Variants in PPRC1 observed in about 807,000 individuals in gnomAD.
PPRC1 encodes peroxisome proliferator-activated receptor gamma coactivator-related protein 1.
A neutral mutation model predicts 132.5 loss-of-function variants in PPRC1; 23 were observed. The observed-to-expected ratio is 0.17, with a 90% CI of 0.12 to 0.25. PPRC1 has a LOEUF of 0.25. Among genes scored for constraint, PPRC1 ranks in the 10% least tolerant of loss-of-function variants. The pLI is 1.00. For synonymous variants in PPRC1, 872 were observed against 833.5 expected (o/e 1.05, Z -0.80); for missense variants, 2,006 against 2,089.1 (o/e 0.96, Z 0.78).
chr10:102,143,604 A>C (rs1046512219), intron 6 of PPRC1, among the ~76,000 whole-genome samples: 1 of 151,784 alleles, frequency 6.6e-6, no homozygotes, highest in African/African-American at 2.4e-5. Flanking sequence ...GTCTCAAAAA[A>C]AAAAAAAAAA....
Position 102,133,125 on chromosome 10 carries a change from C to G in PPRC1, c.57C>G (p.Pro19=), listed in dbSNP as rs1253960171. 1 of 1,248,410 alleles carries G rather than the reference C, an allele frequency of 8.0e-7. No individual in the cohort carries two copies. Among genetic ancestry groups the G allele is most frequent in the South Asian group, 4.1e-5 (1 of 24,616 alleles). The allele number at this position is 1,248,410 out of a possible 1,614,324, so 77.3% of individuals were successfully genotyped here. ...TCGCGCCGCCCCCGAGTGGGGGCCC[C>G]GGTCCGGACCCTGGCGGGGGAGCCC... ...DGVAPPPSGG[P]GPDPGGGARG... The change falls in exon 1 of 14, where the codon CCC becomes CCG. Residue 19 remains proline, a synonymous_variant. Transcript: ENST00000278070.
intron 7 of PPRC1, 125 bp downstream of exon 7, chr10:102,144,432 G>A: frequency 1.1e-6 from 1 of 893,812 alleles, no homozygotes; most frequent in Non-Finnish European, 1.7e-6. Flanking sequence ...GTCTTTCCCT[G>A]TTTCCCCACC....
intron 1 of PPRC1, among the ~76,000 whole-genome samples, chr10:102,133,708 A>G (rs1479464851): frequency 6.6e-6 from 1 of 150,540 alleles, no homozygotes; most frequent in Non-Finnish European, 1.5e-5. Context: ...GCGGGGAAGG[A>G]ACGTCCACGT....
In PPRC1 at chr10:102,143,061, C is replaced by T. The variant is rs1379504107; in HGVS notation, c.3513C>T (p.Asp1171=). 3 of 1,613,630 alleles carry T rather than the reference C, an allele frequency of 1.9e-6. No individual in the cohort carries two copies. In the South Asian group the frequency reaches 3.3e-5, roughly 18 times the overall value. ...CCTCCACAGGAATTGAGGCATCGGA[C>T]CTGTCCAGTCTGCTGGAGCAGTTTG... ...FISEIGIEAS[D]LSSLLEQFEK... is the part of the protein sequence containing the mutation. Residue 1171 remains aspartate, a synonymous_variant, in exon 6 of 14, where the codon GAC becomes GAT. Transcript: ENST00000278070.
In PPRC1 at chr10:102,141,182, C is replaced by G; in HGVS notation, c.2674C>G (p.Leu892Val). The G allele has an allele frequency of 6.2e-7, 1 of 1,614,012 alleles. No homozygotes were observed. The highest frequency in any genetic ancestry group is 8.5e-7 in the Non-Finnish European group (1 of 1,179,958). ...PAGGLGMPPSLPPPPLQPPSL... is the reference protein window; with the variant it reads ...PAGGLGMPPSVPPPPLQPPSL... ...AGGTGGGCTTGGCATGCCCCCCAGT[C>G]TGCCCCCACCTCCCTTGCAGCCTCC... The change falls in exon 5 of 14, where the codon CTG becomes GTG. Residue 892 changes from leucine to valine, a missense_variant. Leu to Val is a conservative substitution (Grantham distance 32, BLOSUM62 1). This residue lies in a region of PPRC1 where 1,914 missense variants were observed against 1,917.2 expected (regional missense o/e 1.00). Transcript: ENST00000278070.
At chr10:102,144,391 C>A in intron 7 of PPRC1, 84 bp downstream of exon 7, 1 of 1,328,056 alleles carries the variant, frequency 7.5e-7, no homozygotes, top group Non-Finnish European at 1.1e-6. Flanking sequence ...CTGGATGCCT[C>A]TGTTGCAGGG....
chr10:102,122,906 G>A, the PPRC1 span, among the ~76,000 whole-genome samples: 3 of 152,302 alleles, frequency 2.0e-5, no homozygotes, highest in East Asian at 5.8e-4. Context: ...TTGGAAGAAG[G>A]TGCTATTACC....
At chr10:102,125,944 C>A in the PPRC1 span, among the ~76,000 whole-genome samples, 1 of 151,296 alleles carries the variant, frequency 6.6e-6, no homozygotes, top group Non-Finnish European at 1.5e-5. Flanking sequence ...CTCACTGCAA[C>A]CTCCGCCTCC....
chr10:102,142,475 G>A (rs2069036575), intron 5 of PPRC1, among the ~76,000 whole-genome samples: 1 of 130,246 alleles, frequency 7.7e-6, no homozygotes, highest in Non-Finnish European at 1.6e-5. Flanking sequence ...CTGGAGTGCA[G>A]TGGCGTGATC....
chr10:102,132,919 C>T, upstream of PPRC1: 3 of 1,149,738 alleles, frequency 2.6e-6, no homozygotes, highest in Non-Finnish European at 3.3e-6. Flanking sequence ...AGGCCAGGGC[C>T]TTCTTCCAGG....
At chr10:102,126,266 C>T in the PPRC1 span, among the ~76,000 whole-genome samples, 1 of 151,594 alleles carries the variant, frequency 6.6e-6, no homozygotes, top group Non-Finnish European at 1.5e-5. Flanking sequence ...CACTTGAGCC[C>T]AAGAGTTTGA....
chr10:102,120,123 C>A, the PPRC1 span: 2 of 1,351,656 alleles, frequency 1.5e-6, no homozygotes, highest in South Asian at 3.6e-5. Flanking sequence ...TCACATCGCC[C>A]GCCTCTGGGG....
At position 102,141,784 on chromosome 10, in the gene PPRC1, TGAG is replaced by T. The variant is rs773871396; in HGVS notation, c.3280_3282del (p.Glu1094del). 23 of 1,613,740 alleles carry T rather than the reference TGAG, an allele frequency of 1.4e-5. No individual in the cohort carries two copies. Among genetic ancestry groups the T allele is most frequent in the African/African-American group, 2.7e-5 (2 of 74,910 alleles). ...GTGTGTCTGCTGAAGGTGTGACTGT[TGAG>T]GAGCCTGCATCAGAGAGGCTAAAGC... On this transcript the variant is annotated inframe_deletion, in exon 5 of 14. Coordinates refer to ENST00000278070, the MANE Select transcript of PPRC1 (RefSeq NM_015062.5).
At chr10:102,125,123 C>T in the PPRC1 span, among the ~76,000 whole-genome samples, 3 of 151,984 alleles carry the variant, frequency 2.0e-5, no homozygotes, top group East Asian at 1.9e-4. Context: ...GACAGAGTCT[C>T]GCTCTGTCAC....
Position 102,140,056 on chromosome 10 carries a change from G to C in PPRC1, c.1548G>C (p.Gln516His), listed in dbSNP as rs748716657. 6 of 1,614,240 alleles carry C rather than the reference G, an allele frequency of 3.7e-6. No homozygotes were observed. The highest frequency in any genetic ancestry group is 1.6e-4 in the Middle Eastern group (1 of 6,062). The stretch of plus-strand genomic sequence containing the variant: ...TTCAAAAAGAGTCTGGGCCTCTCCA[G>C]GGTAAGGGGAAGCCCCGGGCTTGGG... The part of the protein sequence containing the change: ...EELQKESGPL[Q>H]GKGKPRAWAR... Residue 516 changes from glutamine (Q) to histidine (H), a missense_variant, in exon 5 of 14, where the codon CAG (glutamine) becomes CAC (histidine). Transcript: ENST00000278070.
chr10:102,149,935 G>A lies in PPRC1; in HGVS notation c.4901G>A (p.Arg1634Gln), dbSNP rs771652387. The A allele has an allele frequency of 1.1e-5, 18 of 1,610,486 alleles. No homozygotes were observed. Among genetic ancestry groups the A allele is most frequent in the South Asian group, 6.6e-5 (6 of 90,986 alleles). The part of the protein sequence containing the change: ...KRSYSDLDSN[R>Q]EDFDPAPVKS... ...GTCTTTACCTTTATAGACTCCAACC[G>A]GGAAGACTTTGACCCAGCACCTGTA... The change falls in exon 14 of 14, where the codon CGG (arginine) becomes CAG (glutamine). Residue 1634 changes from arginine to glutamine, a missense_variant. Arg to Gln is a conservative substitution (Grantham distance 43). Coordinates refer to ENST00000278070, the MANE Select transcript of PPRC1 (RefSeq NM_015062.5).
In PPRC1 at chr10:102,137,939, G is replaced by A. The variant is rs1308404146; in HGVS notation, c.243G>A (p.Glu81=). The A allele has an allele frequency of 1.8e-5, 29 of 1,614,148 alleles. No individual in the cohort carries two copies. Among genetic ancestry groups the A allele is most frequent in the Non-Finnish European group, 2.5e-5 (29 of 1,180,026 alleles). Residue 81 remains glutamate, a synonymous_variant, in exon 2 of 14, where the codon GAG becomes GAA. Transcript: ENST00000278070. ...TGAGGGACAAGGACCTGGAAATGGA[G>A]GAGCTAATGCTGCAGGATGAGACAC... The part of the protein sequence containing the change: ...PSLRDKDLEM[E]ELMLQDETLL...
intron 1 of PPRC1, among the ~76,000 whole-genome samples, chr10:102,134,001 G>C (rs867920867): frequency 6.6e-6 from 1 of 152,200 alleles, no homozygotes; most frequent in Middle Eastern, 3.4e-3. Context: ...GGGGAGGGTA[G>C]AGGGCTGAGG....
At chr10:102,120,058 G>A in the PPRC1 span, 4 of 1,428,762 alleles carry the variant, frequency 2.8e-6, no homozygotes, top group Non-Finnish European at 3.7e-6. Flanking sequence ...GGGCAGGAAG[G>A]GGCCGAGTGG....
Sources: gnomAD v4.1 joint callset for allele counts (sites outside exome capture counted in the v4.1 genomes callset) on GRCh38, gnomAD v4.1.1 for gene constraint, gnomAD v4.1.1 regional missense constraint, MANE v1.5 for transcripts, NCBI Gene and HGNC (gene_info 2026-07-23, HGNC 2026-07-21) for gene names.